ATAD2B: variants seen among roughly 807,000 people sequenced by gnomAD.
ATAD2B encodes ATPase family AAA domain containing 2B.
A neutral mutation model predicts 167.6 loss-of-function variants in ATAD2B; 40 were observed. That is an observed-to-expected ratio of 0.24 (90% CI 0.19 to 0.31). ATAD2B has a LOEUF of 0.31. Among genes scored for constraint, ATAD2B ranks in the 10% least tolerant of loss-of-function variants. The pLI, the probability that ATAD2B is intolerant of heterozygous loss-of-function variation, is 1.00. For missense variants in ATAD2B, 1,242 were observed against 1,757.2 expected, an observed-to-expected ratio of 0.71 and a Z score of 5.24; for synonymous variants, 579 against 596.5, an observed-to-expected ratio of 0.97 and a Z score of 0.43.
At chr2:23,890,178 G>A (rs1308543704) in intron 2 of ATAD2B, among the ~76,000 whole-genome samples, 1 of 152,078 alleles carries the variant, frequency 6.6e-6, no homozygotes, top group East Asian at 1.9e-4. Context: ...TCGCGCCACT[G>A]CACTCCAGCC....
chr2:23,767,313 C>A (rs931657408), intron 22 of ATAD2B, among the ~76,000 whole-genome samples: 1 of 152,154 alleles, frequency 6.6e-6, no homozygotes, highest in Non-Finnish European at 1.5e-5. Context: ...TGGTCTAACC[C>A]TAGCCAACAG....
At chr2:23,833,860 A>G in intron 14 of ATAD2B, 59 bp downstream of exon 14, 1 of 1,320,064 alleles carries the variant, frequency 7.6e-7, no homozygotes, top group Non-Finnish European at 1.0e-6. Context: ...CCCTCAGAAC[A>G]TATGCCTTAT....
At chr2:23,820,867 T>G (rs1687337052) in intron 16 of ATAD2B, among the ~76,000 whole-genome samples, 1 of 152,072 alleles carries the variant, frequency 6.6e-6, no homozygotes, top group Admixed American at 6.5e-5. Flanking sequence ...AAGAATGGTG[T>G]GAACCCAGGA....
At chr2:23,715,481 G>A in the ATAD2B span, among the ~76,000 whole-genome samples, 1 of 152,074 alleles carries the variant, frequency 6.6e-6, no homozygotes, top group South Asian at 2.1e-4. Context: ...GGCTGAGGCA[G>A]GAGAATGGCG....
At chr2:23,727,668 T>C in the ATAD2B span, among the ~76,000 whole-genome samples, 1 of 152,182 alleles carries the variant, frequency 6.6e-6, no homozygotes, top group South Asian at 2.1e-4. Flanking sequence ...AACCAAGATA[T>C]GCTTCAACAG....
chr2:23,694,312 G>A, the ATAD2B span, among the ~76,000 whole-genome samples: 3 of 152,096 alleles, frequency 2.0e-5, no homozygotes, highest in Admixed American at 6.5e-5. Context: ...CGCTACACGC[G>A]CTCATTCCTG....
intron 7 of ATAD2B, among the ~76,000 whole-genome samples, chr2:23,880,251 G>A (rs1322168167): frequency 6.6e-6 from 1 of 152,112 alleles, no homozygotes; most frequent in Non-Finnish European, 1.5e-5. Flanking sequence ...TCTTTCAGTT[G>A]CATGTGTGTG....
chr2:23,916,628 A>G lies in ATAD2B; in HGVS notation c.216+9927T>C, dbSNP rs368610336. 4.6e-5 allele frequency among the ~76,000 whole-genome samples: 7 copies of G among 152,282 alleles called. 1 individual carries two copies. The South Asian group carries it at 1.2e-3, about 27-fold the overall frequency. ...TCCCTCTAACCATAGGTTTCTGCCAAATCTCTAAAATAATATCCTATTTCT... is the reference window on the plus strand; with the variant it reads ...TCCCTCTAACCATAGGTTTCTGCCAGATCTCTAAAATAATATCCTATTTCT... On this transcript the variant is annotated intron_variant, in intron 1 of 27. Coordinates refer to ENST00000238789, the MANE Select transcript of ATAD2B (RefSeq NM_017552.4).
intron 25 of ATAD2B, among the ~76,000 whole-genome samples, chr2:23,757,200 C>T (rs1676053173): frequency 6.6e-6 from 1 of 152,150 alleles, no homozygotes; most frequent in South Asian, 2.1e-4. Context: ...CGAAACGATA[C>T]ACCCTCTGAA....
At chr2:23,884,446 G>A (rs1698400023) in intron 6 of ATAD2B, among the ~76,000 whole-genome samples, 1 of 152,028 alleles carries the variant, frequency 6.6e-6, no homozygotes, top group Non-Finnish European at 1.5e-5. Flanking sequence ...CAGTTAGAAG[G>A]TGCCTAAGTA....
rs756806271 is a variant in ATAD2B at position 23,910,173 on chromosome 2, C to CTTTT, written c.217-14207_217-14204dup. Among the ~76,000 whole-genome samples the CTTTT allele has an allele frequency of 2.5e-3, 271 of 106,900 alleles. 2 individuals carry two copies. The highest frequency in any genetic ancestry group is 4.5e-3 in the Non-Finnish European group (235 of 51,948). The allele number at this position is 106,900 out of a possible 152,430, so 70.1% of individuals were successfully genotyped here. On this transcript the variant is annotated intron_variant, in intron 1 of 27. Coordinates refer to ENST00000238789, the MANE Select transcript of ATAD2B (RefSeq NM_017552.4). Reference sequence around the variant, plus strand: ...GCCACTGTGTCCACTCTTGCATACTCTTTTTTTTTTTTTTTTTTTTTTAGA... The same window carrying CTTTT: ...GCCACTGTGTCCACTCTTGCATACTCTTTTTTTTTTTTTTTTTTTTTTTTTTAGA...
At chr2:23,879,190 T>C (rs1376420411) in intron 7 of ATAD2B, among the ~76,000 whole-genome samples, 2 of 152,146 alleles carry the variant, frequency 1.3e-5, no homozygotes, top group Non-Finnish European at 2.9e-5. Flanking sequence ...TACATGTGAA[T>C]GTTCATCACA....
In ATAD2B at chr2:23,750,076, A is replaced by G. The variant is rs1200264236; in HGVS notation, c.*1970T>C. 2 of 152,186 alleles carry G rather than the reference A, an allele frequency of 1.3e-5. No individual in the cohort carries two copies. The highest frequency in any genetic ancestry group is 2.9e-5 in the Non-Finnish European group (2 of 68,018). 9.4% of individuals were successfully genotyped at this position (152,186 alleles called of 1,614,324 possible). A position where few individuals can be genotyped will look rare whatever the true frequency, so the allele number is the denominator to read the frequency against. Reference sequence around the variant, plus strand: ...CCATCAAAATACAAAATGCTAATGTATTAGACAATAAAATAGTTTGAATCG... The same window carrying G: ...CCATCAAAATACAAAATGCTAATGTGTTAGACAATAAAATAGTTTGAATCG... On this transcript the variant is annotated 3_prime_UTR_variant, in exon 28 of 28. Transcript: ENST00000238789.
intron 6 of ATAD2B, among the ~76,000 whole-genome samples, chr2:23,882,299 G>A (rs1461015263): frequency 2.0e-5 from 3 of 151,560 alleles, no homozygotes; most frequent in African/African-American, 4.8e-5. Flanking sequence ...GGGTTCAGGC[G>A]ATTCTCATAT....
chr2:23,785,842 A>C, intron 21 of ATAD2B, 185 bp downstream of exon 21: 1 of 497,536 alleles, frequency 2.0e-6, no homozygotes, highest in Non-Finnish European at 3.4e-6. Flanking sequence ...TTGGTCGCTA[A>C]TTTCATCCAA....
At chr2:23,703,069 G>C in the ATAD2B span, 2 of 682,324 alleles carry the variant, frequency 2.9e-6, no homozygotes, top group African/African-American at 3.8e-5. Context: ...TGTGATCTCA[G>C]GCTATGCTGG....
intron 22 of ATAD2B, among the ~76,000 whole-genome samples, chr2:23,768,195 T>C (rs1463641917): frequency 6.6e-6 from 1 of 152,170 alleles, no homozygotes; most frequent in African/African-American, 2.4e-5. Context: ...TACAATTTGA[T>C]ACATTTTGAG....
At chr2:23,858,132 A>T (rs1343451129) in intron 12 of ATAD2B, among the ~76,000 whole-genome samples, 5 of 147,438 alleles carry the variant, frequency 3.4e-5, no homozygotes, top group Non-Finnish European at 6.0e-5. Context: ...TTATTTATTT[A>T]TTTTTTGAGA....
rs750933815 is a variant in ATAD2B at position 23,752,002 on chromosome 2, G to C, written c.*44C>G. The C allele has an allele frequency of 4.9e-6, 7 of 1,439,684 alleles. No homozygotes were observed. In the East Asian group the frequency reaches 1.2e-4, roughly 25 times the overall value. 89.2% of individuals were successfully genotyped at this position (1,439,684 alleles called of 1,614,324 possible). Reference sequence around the variant, plus strand: ...ATTGAATGGCTCAGAAGACTGCTCTGTGAGGAGCAGATTGGAGAGGATAAA... The same window carrying C: ...ATTGAATGGCTCAGAAGACTGCTCTCTGAGGAGCAGATTGGAGAGGATAAA... On this transcript the variant is annotated 3_prime_UTR_variant, in exon 28 of 28. Coordinates refer to ENST00000238789, the MANE Select transcript of ATAD2B (RefSeq NM_017552.4).
Sources: allele counts gnomAD v4.1 joint callset (sites outside exome capture counted in the v4.1 genomes callset), GRCh38; gene constraint gnomAD v4.1.1; transcripts MANE v1.5; gene names NCBI Gene and HGNC (gene_info 2026-07-23, HGNC 2026-07-21).